Variants in EGF observed in about 807,000 individuals in gnomAD.
EGF encodes the protein pro-epidermal growth factor.
A neutral mutation model predicts 143.8 loss-of-function variants in EGF; 95 were observed. The observed-to-expected ratio is 0.66, with a 90% CI of 0.56 to 0.78. The LOEUF (loss-of-function observed/expected upper bound fraction) is 0.78, where lower values mean the gene tolerates loss of function less well. Ranked by LOEUF, EGF falls within the 30% of genes least tolerant of loss-of-function variation. The pLI is 0.00. For synonymous variants in EGF, 510 were observed against 510.5 expected (o/e 1.00, Z 0.01); for missense variants, 1,320 against 1,470.9 (o/e 0.90, Z 1.68).
chr4:109,945,313 A>T, intron 5 of EGF, 38 bp downstream of exon 5: 1 of 1,593,820 alleles, frequency 6.3e-7, no homozygotes. Context: ...CCTGACACAT[A>T]GTTCCCACCC....
At position 109,945,291 on chromosome 4, in the gene EGF, C is replaced by A. The variant is rs1377118509; in HGVS notation, c.940+16C>A. Reference sequence around the variant, plus strand: ...TGGGAGCCTGGTGAGTCATCGTTGACCTTGCGCAGGGCCTGACACATAGTT... The same window carrying A: ...TGGGAGCCTGGTGAGTCATCGTTGAACTTGCGCAGGGCCTGACACATAGTT... On this transcript the variant is annotated intron_variant, in intron 5 of 23. Coordinates refer to ENST00000265171, the MANE Select transcript of EGF (RefSeq NM_001963.6). The A allele has an allele frequency of 6.2e-6, 10 of 1,610,532 alleles. No individual in the cohort carries two copies. The highest frequency in any genetic ancestry group is 8.5e-6 in the Non-Finnish European group (10 of 1,177,780).
chr4:109,963,366 G>A (rs1350067503), intron 9 of EGF, 68 bp downstream of exon 9: 7 of 1,606,334 alleles, frequency 4.4e-6, no homozygotes, highest in Middle Eastern at 1.6e-4. Context: ...TGTTTAGAAA[G>A]ATGGAAAGTT....
chr4:109,947,769 C>A (rs1027646650), intron 5 of EGF, among the ~76,000 whole-genome samples: 1 of 152,164 alleles, frequency 6.6e-6, no homozygotes, highest in Non-Finnish European at 1.5e-5. Flanking sequence ...ATCATCATAA[C>A]CCTCTCTTAC....
chr4:109,959,303 C>A lies in EGF; in HGVS notation c.941-9C>A, dbSNP rs147880662. The A allele has an allele frequency of 1.6e-4, 255 of 1,613,846 alleles. 4 individuals carry two copies. The African/African-American group carries it at 3.0e-3, about 19-fold the overall frequency. On this transcript the variant is annotated splice_polypyrimidine_tract_variant and intron_variant, in intron 5 of 23. Transcript: ENST00000265171. ...GGCCCCACTCCAAATAAAGCATCTT[C>A]TCTTTTAGAGCAGAAACTTTGCAAA...
Position 109,991,723 on chromosome 4 carries a change from A to G in EGF, c.2735-1524A>G, listed in dbSNP as rs1388222482. ...ATGTCAATGACAGGATGTCTATACA[A>G]AAGAGTTAAGTATGAATCTTTAGGA... On this transcript the variant is annotated intron_variant, in intron 18 of 23. Transcript: ENST00000265171. Among the ~76,000 whole-genome samples the G allele has an allele frequency of 2.6e-5, 4 of 152,232 alleles. No individual in the cohort carries two copies. The East Asian group carries it at 7.7e-4, about 29-fold the overall frequency.
At chr4:110,006,658 T>C (rs1164570653) in intron 22 of EGF, among the ~76,000 whole-genome samples, 1 of 152,206 alleles carries the variant, frequency 6.6e-6, no homozygotes, top group African/African-American at 2.4e-5. Flanking sequence ...GTTTAATTCA[T>C]CTCATTAATT....
chr4:109,962,105 G>A, intron 8 of EGF, 120 bp downstream of exon 8: 1 of 1,503,266 alleles, frequency 6.7e-7, no homozygotes, highest in Non-Finnish European at 9.2e-7. Context: ...TATACTGAAA[G>A]ATATTGTTAC....
chr4:109,930,557 G>A (rs1396109769), intron 1 of EGF, among the ~76,000 whole-genome samples: 1 of 152,136 alleles, frequency 6.6e-6, no homozygotes, highest in African/African-American at 2.4e-5. Context: ...GTGGTGGTGA[G>A]GGCAGGTGGC....
intron 10 of EGF, among the ~76,000 whole-genome samples, chr4:109,966,010 A>G (rs1746499833): frequency 6.6e-6 from 1 of 151,782 alleles, no homozygotes; most frequent in Admixed American, 6.6e-5. Context: ...CTTTCATTAA[A>G]TTATCAACTG....
chr4:109,984,538 G>T (rs1749855784), intron 16 of EGF, among the ~76,000 whole-genome samples: 3 of 152,118 alleles, frequency 2.0e-5, no homozygotes, highest in Non-Finnish European at 2.9e-5. Context: ...ACATATGCAA[G>T]TCCCAAAGTC....
At chr4:109,999,641 A>G (rs1343216522) in intron 20 of EGF, 38 bp from the exon 21 acceptor site, 19 of 1,613,964 alleles carry the variant, frequency 1.2e-5, no homozygotes, top group Non-Finnish European at 1.4e-5. Context: ...GTTTTTGGCC[A>G]GGCATCTCTG....
chr4:109,940,876 T>A, intron 1 of EGF, 70 bp from the exon 2 acceptor site: 1 of 1,431,688 alleles, frequency 7.0e-7, no homozygotes, highest in Non-Finnish European at 9.8e-7. Context: ...TGGTTGTCAT[T>A]GGGAAGTATT....
intron 11 of EGF, among the ~76,000 whole-genome samples, chr4:109,970,098 A>G (rs1560711345): frequency 6.6e-6 from 1 of 152,114 alleles, no homozygotes; most frequent in Non-Finnish European, 1.5e-5. Context: ...ACAGAACCAG[A>G]GTGCAGTTGT....
rs1487083408 is a variant in EGF at position 109,959,455 on chromosome 4, T to C, written c.1066+18T>C. 2.5e-6 allele frequency: 4 copies of C among 1,613,670 alleles called. No homozygotes were observed. The highest frequency in any genetic ancestry group is 1.7e-4 in the Middle Eastern group (1 of 6,040). ...CTGTGAAGGTAATGACTGGAAGTACTGTGAAGGTAATGGAAGAGTCGCTGC... is the reference window on the plus strand; with the variant it reads ...CTGTGAAGGTAATGACTGGAAGTACCGTGAAGGTAATGGAAGAGTCGCTGC... On this transcript the variant is annotated intron_variant, in intron 6 of 23. Coordinates refer to ENST00000265171, the MANE Select transcript of EGF (RefSeq NM_001963.6).
intron 5 of EGF, among the ~76,000 whole-genome samples, chr4:109,948,608 C>G (rs1743260570): frequency 6.6e-6 from 1 of 152,068 alleles, no homozygotes; most frequent in African/African-American, 2.4e-5. Flanking sequence ...CTCAGCCTCC[C>G]AAGTAGCTGG....
At chr4:109,959,527 G>T in intron 6 of EGF, 90 bp downstream of exon 6, 2 of 1,604,084 alleles carry the variant, frequency 1.2e-6, no homozygotes, top group African/African-American at 1.3e-5. Flanking sequence ...TCTTCAGTGG[G>T]CCAGCCAGAG....
In EGF at chr4:109,927,788, G is replaced by A. The variant is rs1430395250; in HGVS notation, c.128-13158G>A. On this transcript the variant is annotated intron_variant, in intron 1 of 23. Transcript: ENST00000265171. ...AAAACTCAGTAGACAGATCAGGATA[G>A]TGATTTCTGAATTTTGCCGTGTGTG... is the stretch of plus-strand genomic sequence containing the variant. Among the ~76,000 whole-genome samples the A allele has an allele frequency of 4.8e-5, 7 of 145,630 alleles. No homozygotes were observed. In the East Asian group the frequency reaches 1.4e-3, roughly 29 times the overall value.
chr4:109,919,756 GCC>G (rs1294299847), intron 1 of EGF, among the ~76,000 whole-genome samples: 2 of 151,464 alleles, frequency 1.3e-5, no homozygotes, highest in Admixed American at 1.3e-4. Context: ...AGAGAGGTAG[GCC>G]CCGGAATCTC....
intron 18 of EGF, among the ~76,000 whole-genome samples, chr4:109,989,386 G>A (rs1750624136): frequency 2.0e-5 from 3 of 152,140 alleles, no homozygotes; most frequent in African/African-American, 4.8e-5. Context: ...TCTGAGGCAC[G>A]GTGAAGTGAT....
Sources: allele counts gnomAD v4.1 joint callset (sites outside exome capture counted in the v4.1 genomes callset), GRCh38; gene constraint gnomAD v4.1.1; transcripts MANE v1.5; gene names NCBI Gene and HGNC (gene_info 2026-07-23, HGNC 2026-07-21).